ADGRA2: variants seen among roughly 807,000 people sequenced by gnomAD.
The protein encoded by ADGRA2 is adhesion G protein-coupled receptor A2, also known as G-protein coupled receptor 124.
ADGRA2 carries 61 observed loss-of-function variants against 98.7 expected under a neutral mutation model. The ratio of observed to expected loss-of-function variants is 0.62; its 90% CI spans 0.50 to 0.76. The LOEUF (loss-of-function observed/expected upper bound fraction) is 0.76. ADGRA2 is among the 30% of genes least tolerant of loss of function. The pLI is 0.00. For synonymous variants in ADGRA2, 858 were observed against 831.5 expected, an observed-to-expected ratio of 1.03 and a Z score of -0.55; for missense variants, 1,712 against 1,860.0, an observed-to-expected ratio of 0.92 and a Z score of 1.46.
In ADGRA2 at chr8:37,837,724, G is replaced by C; in HGVS notation, c.2051-7G>C. On this transcript the variant is annotated splice_region_variant and splice_polypyrimidine_tract_variant and intron_variant, in intron 13 of 18. Transcript: ENST00000412232. Reference sequence around the variant, plus strand: ...GTGTCTGTGTGGACGTCCCTCTCCCGCTGTAGGTGGCTGTGGCGTGGGAAA... The same window carrying C: ...GTGTCTGTGTGGACGTCCCTCTCCCCCTGTAGGTGGCTGTGGCGTGGGAAA... The C allele has an allele frequency of 6.5e-7, 1 of 1,550,362 alleles. No homozygotes were observed. Among genetic ancestry groups the C allele is most frequent in the Non-Finnish European group, 8.7e-7 (1 of 1,147,108 alleles).
At chr8:37,803,260 C>CGTG (rs1804560486) in intron 1 of ADGRA2, among the ~76,000 whole-genome samples, 1 of 152,192 alleles carries the variant, frequency 6.6e-6, no homozygotes, top group Non-Finnish European at 1.5e-5. Flanking sequence ...CCTTCCACTC[C>CGTG]GTGGAGGCAC....
chr8:37,800,189 C>T (rs1009892499), intron 1 of ADGRA2, among the ~76,000 whole-genome samples: 7 of 152,218 alleles, frequency 4.6e-5, no homozygotes, highest in East Asian at 1.9e-4. Flanking sequence ...GCATAACTCA[C>T]GTATTACTGT....
At chr8:37,824,220 T>A (rs1001640895) in intron 2 of ADGRA2, among the ~76,000 whole-genome samples, 5 of 151,850 alleles carry the variant, frequency 3.3e-5, no homozygotes, top group South Asian at 2.1e-4. Flanking sequence ...TTAGTAGAGA[T>A]GGGTTTCACC....
intron 1 of ADGRA2, among the ~76,000 whole-genome samples, chr8:37,807,148 G>A (rs563399273): frequency 5.9e-5 from 9 of 152,314 alleles, no homozygotes; most frequent in Admixed American, 1.3e-4. Context: ...ATTGCCAGTC[G>A]GTGTTCAGGG....
At chr8:37,829,441 C>G in intron 4 of ADGRA2, 47 bp from the exon 5 acceptor site, 1 of 1,556,940 alleles carries the variant, frequency 6.4e-7, no homozygotes, top group South Asian at 1.1e-5. Context: ...TCCGCCGGCC[C>G]ATGGACACCC....
At chr8:37,835,874 T>G (rs1260482618) in intron 13 of ADGRA2, 104 bp downstream of exon 13, 1 of 709,024 alleles carries the variant, frequency 1.4e-6, no homozygotes, top group Non-Finnish European at 2.5e-6. Flanking sequence ...AGTGCCGTAG[T>G]GGAACTGACA....
intron 2 of ADGRA2, among the ~76,000 whole-genome samples, chr8:37,826,167 C>A (rs1434425277): frequency 6.6e-6 from 1 of 152,206 alleles, no homozygotes; most frequent in Admixed American, 6.5e-5. Flanking sequence ...CCTTGGCAGC[C>A]CATGAAGGGA....
In ADGRA2 at chr8:37,843,048, G is replaced by A. The variant is rs895491260; in HGVS notation, c.*693G>A. ...CTTAAACCAGACAGCAGGGTTCAGA[G>A]GTGGCACACCGGGACAAAGCTGAGG... On this transcript the variant is annotated 3_prime_UTR_variant, in exon 19 of 19. Transcript: ENST00000412232. The A allele has an allele frequency of 6.6e-6, 1 of 152,408 alleles. No homozygotes were observed. Among genetic ancestry groups the A allele is most frequent in the African/African-American group, 2.4e-5 (1 of 41,452 alleles). 9.4% of individuals were successfully genotyped at this position (152,408 alleles called of 1,614,324 possible).
In ADGRA2 at chr8:37,837,798, C is replaced by G; in HGVS notation, c.2118C>G (p.Ala706=). 1 of 1,547,624 alleles carries G rather than the reference C, an allele frequency of 6.5e-7. No homozygotes were observed. Among genetic ancestry groups the G allele is most frequent in the Non-Finnish European group, 8.7e-7 (1 of 1,145,340 alleles). ...AVSLRHWAEG[A]EPVAAWWSQE... is the part of the protein sequence containing the mutation. ...CGCTGCGGCACTGGGCTGAGGGAGC[C>G]GAACCTGTGGCCGCTTGGTGGAGCC... The change falls in exon 14 of 19, where the codon GCC becomes GCG. Residue 706 remains alanine (A), a synonymous_variant. Coordinates refer to ENST00000412232, the MANE Select transcript of ADGRA2 (RefSeq NM_032777.10).
Position 37,842,479 on chromosome 8 carries a change from C to A in ADGRA2, c.*124C>A, listed in dbSNP as rs1376399035. 5.1e-6 allele frequency: 7 copies of A among 1,361,464 alleles called. No individual in the cohort carries two copies. Among genetic ancestry groups the A allele is most frequent in the Non-Finnish European group, 6.6e-6 (7 of 1,053,728 alleles). 84.3% of individuals were successfully genotyped at this position (1,361,464 alleles called of 1,614,324 possible). On this transcript the variant is annotated 3_prime_UTR_variant, in exon 19 of 19. Coordinates refer to ENST00000412232, the MANE Select transcript of ADGRA2 (RefSeq NM_032777.10). ...AGAGGAGCCGATGGCTGGAGGAAGCCCACAGGCGGATGTTCCCCACTTGCC... is the reference window on the plus strand; with the variant it reads ...AGAGGAGCCGATGGCTGGAGGAAGCACACAGGCGGATGTTCCCCACTTGCC...
chr8:37,829,738 C>G (rs1459253459), intron 5 of ADGRA2, 113 bp from the exon 6 acceptor site: 2 of 1,120,500 alleles, frequency 1.8e-6, no homozygotes, highest in Non-Finnish European at 1.3e-6. Context: ...TGCACATAGA[C>G]CCGATTTTGC....
intron 1 of ADGRA2, among the ~76,000 whole-genome samples, chr8:37,803,850 C>G (rs1804575478): frequency 6.6e-6 from 1 of 152,042 alleles, no homozygotes; most frequent in Non-Finnish European, 1.5e-5. Context: ...CAGCCTCAAC[C>G]AAGGGGCCAG....
At chr8:37,836,761 C>T (rs1420593032) in intron 13 of ADGRA2, among the ~76,000 whole-genome samples, 3 of 152,230 alleles carry the variant, frequency 2.0e-5, no homozygotes, top group South Asian at 2.1e-4. Context: ...ATCATCAGGA[C>T]GTCTGCCTCC....
chr8:37,844,312 A>C lies in ADGRA2; in HGVS notation c.*1957A>C. 1 of 704,336 alleles carries C rather than the reference A, an allele frequency of 1.4e-6. No individual in the cohort carries two copies. 43.6% of individuals were successfully genotyped at this position (704,336 alleles called of 1,614,324 possible). A position where few individuals can be genotyped will look rare whatever the true frequency, so the allele number is the denominator to read the frequency against. ...ATGGGAATCTCTCCTACCTATAGTC[A>C]TCCCTGCACTCCTGACTTTACTCCA... On this transcript the variant is annotated 3_prime_UTR_variant, in exon 19 of 19. Coordinates refer to ENST00000412232, the MANE Select transcript of ADGRA2 (RefSeq NM_032777.10).
rs1485639938 is a variant in ADGRA2, at chr8:37,844,380, T to C, written c.*2025T>C. The C allele has an allele frequency of 2.7e-6, 4 of 1,454,564 alleles. No individual in the cohort carries two copies. Among genetic ancestry groups the C allele is most frequent in the Non-Finnish European group, 3.7e-6 (4 of 1,071,358 alleles). The allele number at this position is 1,454,564 out of a possible 1,614,324, so 90.1% of individuals were successfully genotyped here. ...AATGGCAGAGCCCCTCTTGGTTCCT[T>C]CAAACAAGAAAAGCAATACCTACGG... On this transcript the variant is annotated 3_prime_UTR_variant, in exon 19 of 19. Transcript: ENST00000412232.
chr8:37,840,311 A>G (rs764632646), intron 17 of ADGRA2, 45 bp downstream of exon 17: 1 of 1,599,036 alleles, frequency 6.3e-7, no homozygotes. Flanking sequence ...AGGGACTCCA[A>G]CGCAGGCGTA....
chr8:37,807,624 T>C (rs1247246088), intron 1 of ADGRA2, among the ~76,000 whole-genome samples: 2 of 152,216 alleles, frequency 1.3e-5, no homozygotes, highest in East Asian at 3.9e-4. Flanking sequence ...TCGGTGGGTG[T>C]TCGAGCCCCA....
intron 1 of ADGRA2, among the ~76,000 whole-genome samples, chr8:37,807,841 C>T (rs888995452): frequency 6.6e-6 from 1 of 152,192 alleles, no homozygotes; most frequent in African/African-American, 2.4e-5. Context: ...CAGAGAGGAG[C>T]TCATTGGGTC....
rs1405023262 is a variant in ADGRA2, at chr8:37,835,342, C to T, written c.1777C>T (p.Arg593Cys). ...EPEPPADQQLRFRCTTGRPNV... is the reference protein window; with the variant it reads ...EPEPPADQQLCFRCTTGRPNV... Reference sequence around the variant, plus strand: ...CGAGCCCCCAGCTGACCAGCAGCTCCGCTTCCGCTGCACCACCGGGAGGCC... The same window carrying T: ...CGAGCCCCCAGCTGACCAGCAGCTCTGCTTCCGCTGCACCACCGGGAGGCC... The change falls in exon 12 of 19, where the codon CGC becomes TGC. Residue 593 changes from arginine to cysteine, a missense_variant. Transcript: ENST00000412232. 9.9e-6 allele frequency: 16 copies of T among 1,613,210 alleles called. No homozygotes were observed. The Admixed American group carries it at 1.0e-4, about 10-fold the overall frequency.
Sources: gnomAD v4.1 joint callset for allele counts (sites outside exome capture counted in the v4.1 genomes callset) on GRCh38, gnomAD v4.1.1 for gene constraint, MANE v1.5 for transcripts, NCBI Gene and HGNC (gene_info 2026-07-23, HGNC 2026-07-21) for gene names.